Variants in FBXL4 observed in about 807,000 individuals in gnomAD.
FBXL4 encodes the protein F-box and leucine rich repeat protein 4.
Under a neutral mutation model 58.9 loss-of-function variants are expected in FBXL4, and 40 were observed. The ratio of observed to expected loss-of-function variants is 0.68; its 90% CI spans 0.53 to 0.88. The LOEUF (loss-of-function observed/expected upper bound fraction) is 0.88. FBXL4 is among the 40% of genes least tolerant of loss of function. FBXL4 has a pLI of 0.00. For missense variants in FBXL4, 676 were observed against 734.4 expected (o/e 0.92, Z 0.92); for synonymous variants, 263 against 265.5 (o/e 0.99, Z 0.09).
chr6:98,947,119 T>G (rs1176723426), intron 1 of FBXL4, among the ~76,000 whole-genome samples: 5 of 152,244 alleles, frequency 3.3e-5, no homozygotes, highest in African/African-American at 4.8e-5. Flanking sequence ...GCTTATACCA[T>G]CTTCACCTTC....
At chr6:98,876,531 T>G (rs1179752088) in intron 8 of FBXL4, among the ~76,000 whole-genome samples, 3 of 152,346 alleles carry the variant, frequency 2.0e-5, no homozygotes, top group East Asian at 3.9e-4. Context: ...TTAATTGTAT[T>G]TTCAACAAAC....
intron 1 of FBXL4, among the ~76,000 whole-genome samples, chr6:98,946,213 T>C (rs952204909): frequency 3.3e-5 from 5 of 152,054 alleles, no homozygotes; most frequent in Non-Finnish European, 5.9e-5. Context: ...GTCCCAAGAA[T>C]ACACGGGAAT....
At chr6:98,937,639 G>A (rs1773271706) in intron 1 of FBXL4, among the ~76,000 whole-genome samples, 1 of 152,110 alleles carries the variant, frequency 6.6e-6, no homozygotes, top group South Asian at 2.1e-4. Flanking sequence ...GGTGTAAAAA[G>A]AGGCAGGAGA....
At chr6:98,932,625 G>A (rs551109013) in intron 2 of FBXL4, among the ~76,000 whole-genome samples, 4 of 152,140 alleles carry the variant, frequency 2.6e-5, no homozygotes, top group Admixed American at 6.5e-5. Flanking sequence ...CTTGTACTTC[G>A]AAGGGAAAAA....
chr6:98,869,101 G>A lies in FBXL4; in HGVS notation c.*5177C>T, dbSNP rs1770427224. 6.6e-6 allele frequency: 1 copy of A among 152,176 alleles called. No homozygotes were observed. Among genetic ancestry groups the A allele is most frequent in the South Asian group, 2.1e-4 (1 of 4,832 alleles). The allele number at this position is 152,176 out of a possible 1,614,324, so 9.4% of individuals were successfully genotyped here. A position where few individuals can be genotyped will look rare whatever the true frequency, so the allele number is the denominator to read the frequency against. ...TTTACACTCACAGCCTAGGTTTCTA[G>A]TAGTATGTTGTCAAAAAAAGCAAAT... is the stretch of plus-strand genomic sequence containing the variant. On this transcript the variant is annotated 3_prime_UTR_variant, in exon 10 of 10. Transcript: ENST00000369244.
intron 5 of FBXL4, among the ~76,000 whole-genome samples, chr6:98,912,627 G>A (rs1370503122): frequency 6.6e-6 from 1 of 151,890 alleles, no homozygotes; most frequent in Admixed American, 6.6e-5. Flanking sequence ...AGCAAATGCT[G>A]AGAGATTTTG....
chr6:98,880,131 A>G (rs1582367103), intron 8 of FBXL4, among the ~76,000 whole-genome samples: 2 of 152,168 alleles, frequency 1.3e-5, no homozygotes, highest in East Asian at 3.9e-4. Flanking sequence ...AAACAGATAA[A>G]ATAAACCTAT....
rs751643380 is a variant in FBXL4 at position 98,899,429 on chromosome 6, G to A, written c.1156C>T (p.His386Tyr). Residue 386 changes from histidine to tyrosine, a missense_variant, in exon 7 of 10, where the codon CAC becomes TAC. Coordinates refer to ENST00000369244, the MANE Select transcript of FBXL4 (RefSeq NM_001278716.2). ...ELVRLELSCS[H>Y]FLNETCLEVI... is the part of the protein sequence containing the mutation. ...TCTAAGCAAGTTTCATTAAGAAAGTGGCTGCAAGACAATTCAAGGCGTACT... is the reference window on the plus strand; with the variant it reads ...TCTAAGCAAGTTTCATTAAGAAAGTAGCTGCAAGACAATTCAAGGCGTACT... 9 of 1,613,770 alleles carry A rather than the reference G, an allele frequency of 5.6e-6. No homozygotes were observed. In the East Asian group the frequency reaches 6.7e-5, roughly 12 times the overall value.
intron 7 of FBXL4, among the ~76,000 whole-genome samples, chr6:98,893,408 A>G (rs375948214): frequency 9.8e-5 from 12 of 123,012 alleles, no homozygotes; most frequent in Non-Finnish European, 4.1e-5. Flanking sequence ...ATCTTCTTCC[A>G]TTGTCTTCAC....
In FBXL4 at chr6:98,873,455, T is replaced by C. The variant is rs1025198789; in HGVS notation, c.*823A>G. 1.3e-5 allele frequency: 2 copies of C among 151,694 alleles called. No homozygotes were observed. Among genetic ancestry groups the C allele is most frequent in the African/African-American group, 4.8e-5 (2 of 41,360 alleles). The allele number at this position is 151,694 out of a possible 1,614,324, so 9.4% of individuals were successfully genotyped here. On this transcript the variant is annotated 3_prime_UTR_variant, in exon 10 of 10. Coordinates refer to ENST00000369244, the MANE Select transcript of FBXL4 (RefSeq NM_001278716.2). ...CACAAAATGTTAAGGCATCTGCTTC[T>C]AACAGTTGGAAAGCTTTTTTTATTT... is the stretch of plus-strand genomic sequence containing the variant.
At chr6:98,918,832 T>C (rs1772471789) in intron 4 of FBXL4, among the ~76,000 whole-genome samples, 1 of 152,132 alleles carries the variant, frequency 6.6e-6, no homozygotes, top group African/African-American at 2.4e-5. Context: ...GAATGATCAC[T>C]GAAAGCATTA....
chr6:98,936,545 A>G (rs144031360), intron 1 of FBXL4, among the ~76,000 whole-genome samples: 2 of 152,366 alleles, frequency 1.3e-5, no homozygotes, highest in East Asian at 3.9e-4. Context: ...TAACATGACG[A>G]CAATGAGGAT....
chr6:98,945,371 A>C (rs1773583263), intron 1 of FBXL4, among the ~76,000 whole-genome samples: 1 of 152,234 alleles, frequency 6.6e-6, no homozygotes, highest in Non-Finnish European at 1.5e-5. Context: ...ATCAATTATT[A>C]TTAAGTGGAA....
chr6:98,913,829 A>G (rs1301638565), intron 5 of FBXL4, among the ~76,000 whole-genome samples: 1 of 152,230 alleles, frequency 6.6e-6, no homozygotes, highest in Non-Finnish European at 1.5e-5. Flanking sequence ...GCAGAACTGA[A>G]GGAAATAGAG....
intron 7 of FBXL4, chr6:98,896,813 T>G (rs930521501): frequency 4.1e-6 from 4 of 980,982 alleles, no homozygotes; most frequent in Non-Finnish European, 2.4e-6. Context: ...AAACCAGAGC[T>G]TATGCTATCT....
rs1554215766 is a variant in FBXL4, at chr6:98,874,306, A to T, written c.1838T>A (p.Val613Glu). The T allele has an allele frequency of 6.2e-7, 1 of 1,600,120 alleles. No individual in the cohort carries two copies. Among genetic ancestry groups the T allele is most frequent in the Non-Finnish European group, 8.5e-7 (1 of 1,176,352 alleles). ...VLELNASFPKVFIKKSFTQ is the reference protein window; with the variant it reads ...VLELNASFPKEFIKKSFTQ ...CTGAGTAAAGCTCTTTTTTATGAACACTTTTGGAAAGCTTGCATTCAGTTC... is the reference window on the plus strand; with the variant it reads ...CTGAGTAAAGCTCTTTTTTATGAACTCTTTTGGAAAGCTTGCATTCAGTTC... Residue 613 changes from valine to glutamate, a missense_variant, in exon 10 of 10, where the codon GTG becomes GAG. Physicochemically the swap from Val to Glu is moderately radical, Grantham distance 121. Transcript: ENST00000369244.
At chr6:98,896,678 G>A (rs886437284) in intron 7 of FBXL4, 11 of 703,068 alleles carry the variant, frequency 1.6e-5, no homozygotes, top group Non-Finnish European at 1.9e-5. Flanking sequence ...ATTACGTAGT[G>A]TTTATGATAT....
rs779344587 is a variant in FBXL4, at chr6:98,875,461, A to G, written c.1656T>C (p.Asp552=). The change falls in exon 9 of 10, where the codon GAT becomes GAC. Residue 552 remains aspartate, a synonymous_variant. Coordinates refer to ENST00000369244, the MANE Select transcript of FBXL4 (RefSeq NM_001278716.2). ...ANRSVCDTDI[D]ELACNCTRLQ... is the part of the protein sequence containing the mutation. The stretch of plus-strand genomic sequence containing the variant: ...ACCTGGTACAATTACATGCCAATTC[A>G]TCAATGTCTGTGTCACACACAGATC... 14 of 1,614,112 alleles carry G rather than the reference A, an allele frequency of 8.7e-6. No individual in the cohort carries two copies. Among genetic ancestry groups the G allele is most frequent in the Middle Eastern group, 1.6e-4 (1 of 6,062 alleles).
intron 2 of FBXL4, among the ~76,000 whole-genome samples, chr6:98,931,906 C>G (rs1773027152): frequency 6.6e-6 from 1 of 152,202 alleles, no homozygotes; most frequent in African/African-American, 2.4e-5. Context: ...CAGGCGCTGT[C>G]TGGACTTTTG....
Sources: allele counts gnomAD v4.1 joint callset (sites outside exome capture counted in the v4.1 genomes callset), GRCh38; gene constraint gnomAD v4.1.1; transcripts MANE v1.5; gene names NCBI Gene and HGNC (gene_info 2026-07-23, HGNC 2026-07-21).